CCDC171: variants seen among roughly 807,000 people sequenced by gnomAD.
CCDC171 encodes coiled-coil domain containing 171.
CCDC171 carries 177 observed loss-of-function variants against 168.2 expected under a neutral mutation model. The observed-to-expected ratio is 1.05, with a 90% CI of 0.93 to 1.19. The LOEUF (loss-of-function observed/expected upper bound fraction) is 1.19. CCDC171 is among the 50% of genes most tolerant of loss of function. CCDC171 has a pLI of 0.00. For missense variants in CCDC171, 1,991 were observed against 1,539.0 expected (o/e 1.29, Z -4.91); for synonymous variants, 687 against 540.8 (o/e 1.27, Z -3.75).
At chr9:16,028,207 C>A (rs1324664974) in intron 6 of CCDC171, among the ~76,000 whole-genome samples, 1 of 152,132 alleles carries the variant, frequency 6.6e-6, no homozygotes, top group Non-Finnish European at 1.5e-5. Flanking sequence ...ATACCAGACA[C>A]TGAGGTCCAA....
chr9:15,707,246 C>A (rs983277266), intron 11 of CCDC171, among the ~76,000 whole-genome samples: 2 of 152,150 alleles, frequency 1.3e-5, no homozygotes, highest in African/African-American at 4.8e-5. Context: ...TTTATGAAAT[C>A]CAAGGGAGTA....
the CCDC171 span, among the ~76,000 whole-genome samples, chr9:16,088,122 C>T: frequency 6.6e-6 from 1 of 152,080 alleles, no homozygotes; most frequent in South Asian, 2.1e-4. Context: ...TGACAAAAAC[C>T]ACATGATTAT....
chr9:15,932,724 A>C (rs1262512383), intron 25 of CCDC171, among the ~76,000 whole-genome samples: 4 of 151,924 alleles, frequency 2.6e-5, no homozygotes, highest in Admixed American at 2.0e-4. Flanking sequence ...CCCATGCAAT[A>C]TGATGTTAGT....
chr9:16,086,808 G>T, the CCDC171 span, among the ~76,000 whole-genome samples: 1 of 152,074 alleles, frequency 6.6e-6, no homozygotes, highest in African/African-American at 2.4e-5. Flanking sequence ...TGATGTTAGG[G>T]TTTTAGATCT....
intron 24 of CCDC171, among the ~76,000 whole-genome samples, chr9:15,913,071 G>A (rs181806489): frequency 3.9e-5 from 6 of 152,310 alleles, no homozygotes; most frequent in Non-Finnish European, 1.5e-5. Flanking sequence ...TTAGGGAGGA[G>A]TTCCTCTTTT....
chr9:15,901,544 T>TAGA (rs1821669066), intron 24 of CCDC171, among the ~76,000 whole-genome samples: 1 of 152,194 alleles, frequency 6.6e-6, no homozygotes, highest in Non-Finnish European at 1.5e-5. Flanking sequence ...TACCATAAAA[T>TAGA]CTATCTGTGG....
chr9:16,038,725 A>C (rs982747834), upstream of CCDC171, among the ~76,000 whole-genome samples: 5 of 152,098 alleles, frequency 3.3e-5, no homozygotes, highest in African/African-American at 1.2e-4. Flanking sequence ...AAAAATGTTA[A>C]TGAACTAAAT....
intron 21 of CCDC171, among the ~76,000 whole-genome samples, chr9:15,785,015 T>C (rs1473769456): frequency 6.6e-6 from 1 of 152,168 alleles, no homozygotes; most frequent in Non-Finnish European, 1.5e-5. Flanking sequence ...CTTTAGAATT[T>C]TCCTTTTCTT....
At chr9:15,987,928 A>G (rs1832047572) in intron 3 of CCDC171, among the ~76,000 whole-genome samples, 1 of 152,224 alleles carries the variant, frequency 6.6e-6, no homozygotes, top group South Asian at 2.1e-4. Flanking sequence ...GTTTGTGTAC[A>G]CTGAACCATT....
At chr9:15,643,682 C>T (rs1449418111) in intron 7 of CCDC171, among the ~76,000 whole-genome samples, 2 of 152,026 alleles carry the variant, frequency 1.3e-5, no homozygotes, top group African/African-American at 2.4e-5. Context: ...TTTTCATCAC[C>T]CCACTAAGAA....
At position 15,591,297 on chromosome 9, in the gene CCDC171, C is replaced by G. The variant is rs1256790325; in HGVS notation, c.353-69C>G. ...GCTGTAAATGATGTCAACTCCAATG[C>G]CTAGGTTTTGGGGCTCCTTGTTATT... On this transcript the variant is annotated intron_variant, in intron 4 of 25. Transcript: ENST00000380701. 7.8e-6 allele frequency: 7 copies of G among 898,848 alleles called. No homozygotes were observed. The East Asian group carries it at 1.3e-4, about 17-fold the overall frequency. The allele number at this position is 898,848 out of a possible 1,614,324, so 55.7% of individuals were successfully genotyped here. A position where few individuals can be genotyped will look rare whatever the true frequency, so the allele number is the denominator to read the frequency against.
chr9:15,652,752 C>G (rs534610415), intron 7 of CCDC171, among the ~76,000 whole-genome samples: 1 of 152,260 alleles, frequency 6.6e-6, no homozygotes, highest in African/African-American at 2.4e-5. Context: ...ATCACTGTAG[C>G]TTTGTAGTGA....
chr9:16,107,436 G>C, the CCDC171 span, among the ~76,000 whole-genome samples: 139 of 151,870 alleles, frequency 9.2e-4, no homozygotes, highest in East Asian at 0.023. Flanking sequence ...TATTCCCTTG[G>C]GTATGATATT....
chr9:15,602,333 A>C (rs914314031), intron 6 of CCDC171, among the ~76,000 whole-genome samples: 1 of 145,090 alleles, frequency 6.9e-6, no homozygotes, highest in Non-Finnish European at 1.6e-5. Flanking sequence ...TTAGTATCTC[A>C]TAGTGTTCTC....
chr9:15,780,634 T>C (rs980398870), intron 20 of CCDC171, among the ~76,000 whole-genome samples: 2 of 152,218 alleles, frequency 1.3e-5, no homozygotes, highest in South Asian at 2.1e-4. Flanking sequence ...ATTTCGTGTG[T>C]ATATATGTGC....
chr9:16,079,813 A>G, the CCDC171 span, among the ~76,000 whole-genome samples: 1 of 152,214 alleles, frequency 6.6e-6, no homozygotes, highest in Non-Finnish European at 1.5e-5. Flanking sequence ...AGACTTACAC[A>G]ATGCTTACAA....
At chr9:16,094,724 C>G in the CCDC171 span, among the ~76,000 whole-genome samples, 2 of 152,124 alleles carry the variant, frequency 1.3e-5, no homozygotes, top group African/African-American at 4.8e-5. Context: ...TTAAAGCAAA[C>G]AAGTTTGTAT....
At position 15,574,575 on chromosome 9, in the gene CCDC171, C is replaced by A. The variant is rs1439684475; in HGVS notation, c.177+2816C>A. On this transcript the variant is annotated intron_variant, in intron 3 of 25. Coordinates refer to ENST00000380701, the MANE Select transcript of CCDC171 (RefSeq NM_173550.4). ...ATTACAGGTGTAAGCCATTGAGCCA[C>A]TGTGCCTGGCCTTCAATTATTTCTT... 2.0e-5 allele frequency among the ~76,000 whole-genome samples: 3 copies of A among 152,294 alleles called. No individual in the cohort carries two copies. In the South Asian group the frequency reaches 6.2e-4, roughly 32 times the overall value.
intron 18 of CCDC171, among the ~76,000 whole-genome samples, chr9:15,747,404 C>T (rs891183864): frequency 2.6e-5 from 4 of 152,194 alleles, no homozygotes; most frequent in Non-Finnish European, 4.4e-5. Flanking sequence ...GCTCGAATAA[C>T]GGGCAGACTG....
Sources: allele counts gnomAD v4.1 joint callset (sites outside exome capture counted in the v4.1 genomes callset), GRCh38; gene constraint gnomAD v4.1.1; transcripts MANE v1.5; gene names NCBI Gene and HGNC (gene_info 2026-07-23, HGNC 2026-07-21).